Variants in CAST observed in about 807,000 individuals in gnomAD.
CAST encodes calpastatin.
In CAST, 76 loss-of-function variants were observed where a neutral mutation model predicts 119.6. The ratio of observed to expected loss-of-function variants is 0.64; its 90% CI spans 0.53 to 0.77. The LOEUF is 0.77. Among genes scored for constraint, CAST ranks in the 30% least tolerant of loss-of-function variants. The pLI is 0.00. For synonymous variants in CAST, 319 were observed against 331.6 expected (o/e 0.96, Z 0.41); for missense variants, 953 against 946.5 (o/e 1.01, Z -0.09).
At chr5:96,574,486 T>C (rs1023491805) in intron 1 of CAST, among the ~76,000 whole-genome samples, 3 of 152,202 alleles carry the variant, frequency 2.0e-5, no homozygotes, top group Admixed American at 2.0e-4. Context: ...TTGTGTAGCT[T>C]GTCTTTCATC....
At chr5:96,291,962 C>T in the CAST span, among the ~76,000 whole-genome samples, 1 of 151,670 alleles carries the variant, frequency 6.6e-6, no homozygotes, top group Non-Finnish European at 1.5e-5. Context: ...TCTACTCTGG[C>T]TATTTTCTAC....
chr5:96,671,890 T>C (rs1750125662), intron 1 of CAST, among the ~76,000 whole-genome samples: 1 of 152,208 alleles, frequency 6.6e-6, no homozygotes, highest in African/African-American at 2.4e-5. Flanking sequence ...CATTCCATCC[T>C]CTCAGTTATG....
At chr5:96,240,869 T>C in the CAST span, among the ~76,000 whole-genome samples, 4 of 151,710 alleles carry the variant, frequency 2.6e-5, no homozygotes. Flanking sequence ...ATTAGAGGGA[T>C]TGAAAACCAT....
the CAST span, among the ~76,000 whole-genome samples, chr5:96,479,016 C>A: frequency 2.6e-5 from 4 of 152,196 alleles, no homozygotes; most frequent in African/African-American, 9.6e-5. Context: ...GGGAGGAGAA[C>A]AATCATAGTA....
At chr5:96,441,981 A>AT in the CAST span, among the ~76,000 whole-genome samples, 1 of 152,104 alleles carries the variant, frequency 6.6e-6, no homozygotes, top group East Asian at 1.9e-4. Context: ...GTACTTTACA[A>AT]TTTTCACAAG....
chr5:96,570,957 C>T (rs1434282141), intron 1 of CAST, among the ~76,000 whole-genome samples: 1 of 152,142 alleles, frequency 6.6e-6, no homozygotes, highest in Non-Finnish European at 1.5e-5. Flanking sequence ...TAAGTTTGAA[C>T]ACTGTTATGA....
the CAST span, among the ~76,000 whole-genome samples, chr5:96,260,733 T>A: frequency 7.2e-5 from 11 of 152,144 alleles, no homozygotes; most frequent in Admixed American, 4.6e-4. Flanking sequence ...GGCCTAGGCA[T>A]GGCAATTAAG....
intron 3 of CAST, among the ~76,000 whole-genome samples, chr5:96,712,008 C>T (rs113994229): frequency 5.0e-3 from 758 of 152,200 alleles, no homozygotes; most frequent in Non-Finnish European, 7.8e-3. Flanking sequence ...CTGAAAACAC[C>T]CTTATCCTAT....
At chr5:96,366,048 G>C in the CAST span, among the ~76,000 whole-genome samples, 1 of 152,266 alleles carries the variant, frequency 6.6e-6, no homozygotes, top group African/African-American at 2.4e-5. Flanking sequence ...CTCAGCATTT[G>C]CTTGTCTGCA....
the CAST span, among the ~76,000 whole-genome samples, chr5:96,364,435 T>A: frequency 1.3e-5 from 2 of 152,156 alleles, no homozygotes; most frequent in African/African-American, 4.8e-5. Flanking sequence ...AGAATTCGGC[T>A]GTGAATCCGT....
the CAST span, among the ~76,000 whole-genome samples, chr5:96,317,149 C>T: frequency 1.4e-4 from 21 of 152,088 alleles, no homozygotes; most frequent in African/African-American, 5.1e-4. Flanking sequence ...TTATTTAAAG[C>T]AAGTCACACG....
At chr5:96,561,346 A>G (rs549950039) in intron 1 of CAST, among the ~76,000 whole-genome samples, 77 of 143,398 alleles carry the variant, frequency 5.4e-4, no homozygotes, top group Non-Finnish European at 9.6e-4. Flanking sequence ...CCTAAAACTT[A>G]AAGTATAATA....
At chr5:95,988,776 C>T in the CAST span, among the ~76,000 whole-genome samples, 118 of 152,208 alleles carry the variant, frequency 7.8e-4, no homozygotes, top group Non-Finnish European at 1.2e-3. Context: ...TGACAGAATA[C>T]GCATAAACTC....
chr5:96,755,420 T>C (rs973378213), intron 22 of CAST, among the ~76,000 whole-genome samples: 1 of 152,294 alleles, frequency 6.6e-6, no homozygotes, highest in Non-Finnish European at 1.5e-5. Context: ...CAGATATAAG[T>C]TGGAAAAATA....
chr5:96,461,865 C>A, the CAST span, among the ~76,000 whole-genome samples: 2 of 152,052 alleles, frequency 1.3e-5, no homozygotes, highest in African/African-American at 2.4e-5. Flanking sequence ...GATTAAGTCC[C>A]AGCTTGAAGT....
At chr5:96,564,591 T>C (rs1464342388) in intron 1 of CAST, among the ~76,000 whole-genome samples, 2 of 152,236 alleles carry the variant, frequency 1.3e-5, no homozygotes, top group Non-Finnish European at 2.9e-5. Context: ...AGACATTCTA[T>C]TGGATAACAC....
the CAST span, among the ~76,000 whole-genome samples, chr5:96,467,654 G>A: frequency 2.0e-5 from 3 of 151,816 alleles, 1 homozygote; most frequent in South Asian, 2.1e-4. Flanking sequence ...TTGGTAATAC[G>A]TGATAGTATC....
the CAST span, among the ~76,000 whole-genome samples, chr5:96,063,835 C>T: frequency 1.3e-5 from 2 of 152,250 alleles, no homozygotes; most frequent in East Asian, 3.9e-4. Context: ...CAAGTAGTTA[C>T]TGTCAAAGGT....
intron 8 of CAST, 94 bp downstream of exon 8, chr5:96,729,819 G>A (rs1419032725): frequency 1.5e-6 from 1 of 686,216 alleles, no homozygotes; most frequent in Non-Finnish European, 2.7e-6. Flanking sequence ...TTCAATCTAT[G>A]GGGCTGTGCT....
Sources: allele counts gnomAD v4.1 joint callset (sites outside exome capture counted in the v4.1 genomes callset), GRCh38; gene constraint gnomAD v4.1.1; transcripts MANE v1.5; gene names NCBI Gene and HGNC (gene_info 2026-07-23, HGNC 2026-07-21).